Variants in NRXN2 observed in about 807,000 individuals in gnomAD.
NRXN2 encodes the protein neurexin-2-beta.
NRXN2 carries 29 observed loss-of-function variants against 128.8 expected under a neutral mutation model. That is an observed-to-expected ratio of 0.23 (90% CI 0.17 to 0.31). The LOEUF (loss-of-function observed/expected upper bound fraction) is 0.31, where lower values mean the gene tolerates loss of function less well. Among genes scored for constraint, NRXN2 ranks in the 10% least tolerant of loss-of-function variants. The pLI, the probability that NRXN2 is intolerant of heterozygous loss-of-function variation, is 1.00. For missense variants in NRXN2, 1,881 were observed against 2,452.6 expected, an observed-to-expected ratio of 0.77 and a Z score of 4.92; for synonymous variants, 1,098 against 1,075.2, an observed-to-expected ratio of 1.02 and a Z score of -0.41.
intron 22 of NRXN2, among the ~76,000 whole-genome samples, chr11:64,614,099 C>T (rs1183477537): frequency 1.3e-5 from 2 of 152,126 alleles, no homozygotes; most frequent in Non-Finnish European, 2.9e-5. Context: ...CAGAAATCTG[C>T]ATCCCACAAG....
chr11:64,713,217 G>A lies in NRXN2; in HGVS notation c.483C>T (p.Leu161=). Residue 161 remains leucine (L), a synonymous_variant, in exon 2 of 23, where the codon CTC becomes CTT. Coordinates refer to ENST00000265459, the MANE Select transcript of NRXN2 (RefSeq NM_015080.4). The part of the protein sequence containing the change: ...FVGGIPPDVR[L]SALTLSTVKY... ...TGACGGTGCTCAGCGTAAGCGCCGA[G>A]AGGCGCACGTCGGGCGGGATGCCGC... The A allele has an allele frequency of 6.8e-7, 1 of 1,468,210 alleles. No individual in the cohort carries two copies. The allele number at this position is 1,468,210 out of a possible 1,614,324, so 90.9% of individuals were successfully genotyped here.
In NRXN2 at chr11:64,713,330, T is replaced by C; in HGVS notation, c.370A>G (p.Thr124Ala). 7.3e-7 allele frequency: 1 copy of C among 1,374,538 alleles called. No individual in the cohort carries two copies. The highest frequency in any genetic ancestry group is 9.3e-7 in the Non-Finnish European group (1 of 1,071,968). The allele number at this position is 1,374,538 out of a possible 1,614,324, so 85.1% of individuals were successfully genotyped here. A position where few individuals can be genotyped will look rare whatever the true frequency, so the allele number is the denominator to read the frequency against. ...GCCTCGCCGTCCACCGCCAGCGCCGTGCGGCGCGCGTCGCGGGTCAGCAGC... is the reference window on the plus strand; with the variant it reads ...GCCTCGCCGTCCACCGCCAGCGCCGCGCGGCGCGCGTCGCGGGTCAGCAGC... Reference protein sequence around the residue: ...MVLLTRDARRTALAVDGEARA... With the variant: ...MVLLTRDARRAALAVDGEARA... The change falls in exon 2 of 23, where the codon ACG becomes GCG. Residue 124 changes from threonine (T) to alanine (A), a missense_variant. By Grantham distance (58) the Thr-to-Ala change is moderately conservative. Transcript: ENST00000265459.
rs1325323482 is a variant in NRXN2, at chr11:64,716,385, T to C, written c.-244-2442A>G. On this transcript the variant is annotated intron_variant, in intron 1 of 22. Coordinates refer to ENST00000265459, the MANE Select transcript of NRXN2 (RefSeq NM_015080.4). ...TGTGGGAAAGGCGAGGGGCAGGAAG[T>C]TGGGGGAGGACAGATAGAGTGAAAG... is the stretch of plus-strand genomic sequence containing the variant. Among the ~76,000 whole-genome samples the C allele has an allele frequency of 3.3e-5, 5 of 149,912 alleles. No homozygotes were observed. The South Asian group carries it at 6.5e-4, about 19-fold the overall frequency.
intron 12 of NRXN2, 35 bp downstream of exon 12, chr11:64,653,661 T>C (rs1277177587): frequency 3.2e-6 from 5 of 1,583,284 alleles, no homozygotes; most frequent in Non-Finnish European, 3.4e-6. Context: ...CCCAGTCCCC[T>C]TGGGTCTCTG....
Position 64,620,745 on chromosome 11 carries a change from G to A in NRXN2, c.4174-373C>T, listed in dbSNP as rs548162980. ...CAGGGAGGCAAGGCCCTATGGGGCG[G>A]AGCCTGCAGAGGCCAGCGCAGGCAG... On this transcript the variant is annotated intron_variant, in intron 21 of 22. Coordinates refer to ENST00000265459, the MANE Select transcript of NRXN2 (RefSeq NM_015080.4). Among the ~76,000 whole-genome samples the A allele has an allele frequency of 6.0e-5, 9 of 149,780 alleles. No individual in the cohort carries two copies. The East Asian group carries it at 1.2e-3, about 20-fold the overall frequency.
intron 2 of NRXN2, among the ~76,000 whole-genome samples, chr11:64,709,190 C>CAAA (rs112450142): frequency 6.0e-5 from 5 of 83,400 alleles, no homozygotes; most frequent in Non-Finnish European, 1.1e-4. Context: ...GACTCCATCT[C>CAAA]AAAAAAAAAA....
In NRXN2 at chr11:64,623,342, G is replaced by C; in HGVS notation, c.3848-264C>G. 1 of 561,268 alleles carries C rather than the reference G, an allele frequency of 1.8e-6. No homozygotes were observed. The highest frequency in any genetic ancestry group is 2.2e-5 in the South Asian group (1 of 46,042). The allele number at this position is 561,268 out of a possible 1,614,324, so 34.8% of individuals were successfully genotyped here. On this transcript the variant is annotated intron_variant, in intron 20 of 22. Coordinates refer to ENST00000265459, the MANE Select transcript of NRXN2 (RefSeq NM_015080.4). The surrounding 1 kb of genome is among the most constrained non-coding windows in gnomAD (Gnocchi z 4.9). ...ACATGGGCTGGGGAAGGGGAGCCCA[G>C]TCCCTCCTCCCCACCATGTGCAAGC...
intron 11 of NRXN2, chr11:64,655,963 G>A (rs999378705): frequency 6.6e-6 from 1 of 152,274 alleles, no homozygotes; most frequent in African/African-American, 2.4e-5. Context: ...ACAGACCCAC[G>A]AAGGCCCTGG....
chr11:64,665,678 T>C (rs1470188685), intron 9 of NRXN2, among the ~76,000 whole-genome samples: 1 of 152,162 alleles, frequency 6.6e-6, no homozygotes, highest in Non-Finnish European at 1.5e-5. Flanking sequence ...GGCCCCTCCT[T>C]CCTGCATGGG....
intron 17 of NRXN2, among the ~76,000 whole-genome samples, chr11:64,641,390 G>C (rs938212445): frequency 2.6e-5 from 4 of 152,100 alleles, no homozygotes; most frequent in South Asian, 2.1e-4. Context: ...GAGGTCCCTG[G>C]GATGCAAGTG....
chr11:64,609,836 C>T (rs71579894), intron 22 of NRXN2, among the ~76,000 whole-genome samples: 1 of 152,094 alleles, frequency 6.6e-6, no homozygotes, highest in African/African-American at 2.4e-5. Context: ...TCTCGCTGGT[C>T]TCTGCAGGGT....
chr11:64,611,061 G>C (rs969581431), intron 22 of NRXN2, among the ~76,000 whole-genome samples: 1 of 152,230 alleles, frequency 6.6e-6, no homozygotes, highest in Non-Finnish European at 1.5e-5. Flanking sequence ...CTCACTGCCA[G>C]GGAAGGGCCA....
intron 1 of NRXN2, among the ~76,000 whole-genome samples, chr11:64,718,432 G>A (rs1382602174): frequency 6.6e-6 from 1 of 152,224 alleles, no homozygotes; most frequent in African/African-American, 2.4e-5. Flanking sequence ...GGGAGGAAGA[G>A]CTGGGTTTAC....
At chr11:64,649,274 C>T (rs1294442849) in intron 15 of NRXN2, among the ~76,000 whole-genome samples, 1 of 152,160 alleles carries the variant, frequency 6.6e-6, no homozygotes. Context: ...TTCCCTCCCT[C>T]CCAAAGTTTC....
chr11:64,653,775 A>G (rs1477030343), intron 11 of NRXN2, 53 bp from the exon 12 acceptor site: 9 of 1,377,330 alleles, frequency 6.5e-6, no homozygotes. Context: ...AAGGTAAAAC[A>G]AGTTTTTTTT....
chr11:64,710,478 T>G (rs973420098), intron 2 of NRXN2, among the ~76,000 whole-genome samples: 4 of 152,190 alleles, frequency 2.6e-5, no homozygotes, highest in African/African-American at 9.7e-5. Flanking sequence ...TCTCAGGGAA[T>G]GGATACAAAG....
chr11:64,708,666 A>T (rs2056584971), intron 2 of NRXN2, among the ~76,000 whole-genome samples: 1 of 152,230 alleles, frequency 6.6e-6, no homozygotes, highest in African/African-American at 2.4e-5. Context: ...ATTCCAAAGG[A>T]TACACAAATT....
At chr11:64,698,819 C>G (rs1473321593) in intron 2 of NRXN2, among the ~76,000 whole-genome samples, 1 of 152,244 alleles carries the variant, frequency 6.6e-6, no homozygotes, top group East Asian at 1.9e-4. Context: ...AGGTTGGGCT[C>G]TGATCTTCTT....
At chr11:64,678,260 C>T (rs1371586042) in intron 6 of NRXN2, among the ~76,000 whole-genome samples, 1 of 152,098 alleles carries the variant, frequency 6.6e-6, no homozygotes, top group Non-Finnish European at 1.5e-5. Context: ...CCATCTCCCA[C>T]CCATAGCTGA....
Sources: gnomAD v4.1 joint callset for allele counts (sites outside exome capture counted in the v4.1 genomes callset) on GRCh38, gnomAD v4.1.1 for gene constraint, Gnocchi (gnomAD v3.1) non-coding constraint, MANE v1.5 for transcripts, NCBI Gene and HGNC (gene_info 2026-07-23, HGNC 2026-07-21) for gene names.